The following STIM1 variants were observed in gnomAD, a reference collection of about 807,000 sequenced individuals.
STIM1 encodes the protein stromal interaction molecule 1.
In STIM1, 25 loss-of-function variants were observed where a neutral mutation model predicts 74.7. The ratio of observed to expected loss-of-function variants is 0.33; its 90% CI spans 0.24 to 0.47. The LOEUF (loss-of-function observed/expected upper bound fraction) is 0.47. Ranked by LOEUF, STIM1 falls within the 20% of genes least tolerant of loss-of-function variation. The probability of loss-of-function intolerance (pLI) is 1.00; values close to 1 mark genes in which losing one functional copy is unlikely to be tolerated. For synonymous variants in STIM1, 328 were observed against 348.8 expected (o/e 0.94, Z 0.66); for missense variants, 728 against 920.8 (o/e 0.79, Z 2.71).
intron 3 of STIM1, among the ~76,000 whole-genome samples, chr11:4,042,741 CT>C (rs1464270723): frequency 6.6e-6 from 1 of 152,168 alleles, no homozygotes; most frequent in African/African-American, 2.4e-5. Flanking sequence ...GTTCACGATT[CT>C]TTCTTCTGGC....
chr11:3,919,486 T>A (rs887823679), intron 1 of STIM1, among the ~76,000 whole-genome samples: 3 of 152,180 alleles, frequency 2.0e-5, no homozygotes, highest in Non-Finnish European at 4.4e-5. Flanking sequence ...ATTACAGGTG[T>A]GAGCCACCAT....
chr11:3,972,833 G>A (rs16929551), intron 2 of STIM1: 5,230 of 474,710 alleles, frequency 0.011, 158 homozygotes, highest in African/African-American at 0.077. Context: ...GCTACTGACT[G>A]GAACCACCAT....
intron 3 of STIM1, among the ~76,000 whole-genome samples, chr11:4,046,886 CAA>C (rs2094197669): frequency 6.6e-6 from 1 of 152,164 alleles, no homozygotes; most frequent in African/African-American, 2.4e-5. Flanking sequence ...CTCCTGGCCT[CAA>C]GTGATCCTCC....
intron 4 of STIM1, among the ~76,000 whole-genome samples, chr11:4,057,305 G>C (rs1004536463): frequency 1.1e-4 from 17 of 152,188 alleles, no homozygotes; most frequent in African/African-American, 4.1e-4. Flanking sequence ...GGTTCACTTA[G>C]CTTTTTTGTG....
At chr11:4,059,143 A>G in intron 4 of STIM1, 138 bp from the exon 5 acceptor site, 9 of 840,478 alleles carry the variant, frequency 1.1e-5, no homozygotes, top group Non-Finnish European at 1.8e-5. Context: ...CCCAACTGGT[A>G]TAGACTCTGT....
rs200525396 is a variant in STIM1, at chr11:4,091,404, G to A, written c.1757G>A (p.Gly586Asp). 71 of 1,614,072 alleles carry A rather than the reference G, an allele frequency of 4.4e-5. No homozygotes were observed. Among genetic ancestry groups the A allele is most frequent in the African/African-American group, 6.7e-5 (5 of 74,928 alleles). The stretch of plus-strand genomic sequence containing the variant: ...GCTCTCAATGCCATGACTTCCAATG[G>A]CAGCCACCGGCTGATCGAGGGGGTC... ...DEALNAMTSN[G>D]SHRLIEGVHP... Residue 586 changes from glycine to aspartate, a missense_variant, in exon 13 of 13, where the codon GGC becomes GAC. This residue lies in a region of STIM1 where 352 missense variants were observed against 370.1 expected (regional missense o/e 0.95). Coordinates refer to ENST00000526596, the MANE Select transcript of STIM1 (RefSeq NM_001382567.1).
At chr11:4,009,249 C>T (rs547836055) in intron 2 of STIM1, among the ~76,000 whole-genome samples, 26 of 150,496 alleles carry the variant, frequency 1.7e-4, no homozygotes, top group Non-Finnish European at 3.1e-4. Context: ...GAGCTGCGAT[C>T]GCGCCACTGC....
At chr11:3,913,849 A>G (rs370730250) in intron 1 of STIM1, among the ~76,000 whole-genome samples, 4 of 152,276 alleles carry the variant, frequency 2.6e-5, no homozygotes, top group African/African-American at 9.6e-5. Context: ...TGGATATTTC[A>G]TATCAATGAA....
At chr11:3,945,486 C>A (rs2093061412) in intron 1 of STIM1, among the ~76,000 whole-genome samples, 1 of 151,954 alleles carries the variant, frequency 6.6e-6, no homozygotes, top group African/African-American at 2.4e-5. Context: ...GTAATTCCAG[C>A]TACTCGGGAG....
At chr11:3,966,037 C>CA (rs978287455) in intron 1 of STIM1, among the ~76,000 whole-genome samples, 22 of 151,300 alleles carry the variant, frequency 1.5e-4, no homozygotes, top group African/African-American at 3.2e-4. Context: ...AACAAAAAAC[C>CA]AAAAAAAACC....
At chr11:3,918,895 A>T (rs966445384) in intron 1 of STIM1, among the ~76,000 whole-genome samples, 2 of 152,030 alleles carry the variant, frequency 1.3e-5, no homozygotes, top group Non-Finnish European at 2.9e-5. Context: ...CATTTTTGTT[A>T]AAAAAAGTGT....
At chr11:4,078,706 G>C (rs1308672981) in intron 7 of STIM1, among the ~76,000 whole-genome samples, 2 of 151,918 alleles carry the variant, frequency 1.3e-5, no homozygotes, top group African/African-American at 2.4e-5. Flanking sequence ...GAAAAGCTGG[G>C]ATTACAGGTG....
At chr11:4,024,419 C>T (rs1028209403) in intron 3 of STIM1, among the ~76,000 whole-genome samples, 3 of 152,188 alleles carry the variant, frequency 2.0e-5, no homozygotes, top group African/African-American at 4.8e-5. Flanking sequence ...CTCTCCTCTT[C>T]TATACCATCT....
chr11:4,075,951 T>A (rs761639067), intron 7 of STIM1, among the ~76,000 whole-genome samples: 3 of 152,208 alleles, frequency 2.0e-5, no homozygotes, highest in African/African-American at 7.2e-5. Flanking sequence ...AACACCTTTT[T>A]ATAAATTTAT....
chr11:3,942,117 T>C (rs1193617570), intron 1 of STIM1, among the ~76,000 whole-genome samples: 2 of 152,174 alleles, frequency 1.3e-5, no homozygotes, highest in African/African-American at 4.8e-5. Context: ...GAGGAGGCAG[T>C]ACTTGGATTG....
intron 1 of STIM1, 45 bp from the exon 2 acceptor site, chr11:3,967,506 TG>T (rs771507544): frequency 1.9e-5 from 31 of 1,613,512 alleles, no homozygotes; most frequent in Non-Finnish European, 2.6e-5. Context: ...TGATAGGTTC[TG>T]GGTGGCAGCT....
intron 1 of STIM1, among the ~76,000 whole-genome samples, chr11:3,875,591 G>A (rs1452620962): frequency 6.6e-6 from 1 of 151,852 alleles, no homozygotes. Context: ...GCCAGGAGTG[G>A]TAGTGTGTGC....
chr11:4,079,270 G>T (rs1351789901), intron 7 of STIM1, among the ~76,000 whole-genome samples: 1 of 151,890 alleles, frequency 6.6e-6, no homozygotes. Flanking sequence ...TCCAGCCTGG[G>T]TGACAGAGCA....
At chr11:4,000,532 G>A (rs1468902096) in intron 2 of STIM1, among the ~76,000 whole-genome samples, 2 of 151,582 alleles carry the variant, frequency 1.3e-5, no homozygotes, top group African/African-American at 2.4e-5. Flanking sequence ...GGTCCTGTCT[G>A]TTAGGAGGAA....
Sources: allele counts gnomAD v4.1 joint callset (sites outside exome capture counted in the v4.1 genomes callset), GRCh38; gene constraint gnomAD v4.1.1; regional missense constraint gnomAD v4.1.1; transcripts MANE v1.5; gene names NCBI Gene and HGNC (gene_info 2026-07-23, HGNC 2026-07-21).